The following PHC3 variants were observed in gnomAD, a reference collection of about 807,000 sequenced individuals.
PHC3 encodes the protein polyhomeotic homolog 3.
Under a neutral mutation model 107.4 loss-of-function variants are expected in PHC3, and 13 were observed. The ratio of observed to expected loss-of-function variants is 0.12; its 90% CI spans 0.08 to 0.19. The LOEUF (loss-of-function observed/expected upper bound fraction) is 0.19. PHC3 is among the 10% of genes least tolerant of loss of function. PHC3 has a pLI of 1.00. For missense variants in PHC3, 992 were observed against 1,210.9 expected (o/e 0.82, Z 2.68); for synonymous variants, 456 against 427.4 (o/e 1.07, Z -0.83).
chr3:170,134,396 G>C (rs1722735620), intron 7 of PHC3, among the ~76,000 whole-genome samples: 1 of 151,984 alleles, frequency 6.6e-6, no homozygotes, highest in African/African-American at 2.4e-5. Context: ...CACCATGTTG[G>C]TCAGGCTGGT....
rs183458157 is a variant in PHC3 at position 170,137,773 on chromosome 3, C to T, written c.673-1108G>A. Among the ~76,000 whole-genome samples, 242 of 152,290 alleles carry T rather than the reference C, an allele frequency of 1.6e-3. 3 individuals are homozygous for T. The highest frequency in any genetic ancestry group is 2.8e-3 in the Non-Finnish European group (192 of 68,020). The stretch of plus-strand genomic sequence containing the variant: ...AATTAGCCAGGCGTGGTGGCACGCA[C>T]CTGTAGCCCCAGCTACTCAGAAGGC... On this transcript the variant is annotated intron_variant, in intron 6 of 14. Transcript: ENST00000495893.
rs1384887791 is a variant in PHC3 at position 170,096,202 on chromosome 3, T to C, written c.*1028A>G. On this transcript the variant is annotated 3_prime_UTR_variant, in exon 15 of 15. Transcript: ENST00000495893. The stretch of plus-strand genomic sequence containing the variant: ...ACAATTTGTAGATTTTTTTTCTTTT[T>C]CTAGTATGATTAAACTAGAAAAAAT... The C allele has an allele frequency of 6.6e-6, 1 of 152,126 alleles. No homozygotes were observed. The highest frequency in any genetic ancestry group is 1.9e-4 in the East Asian group (1 of 5,204). 9.4% of individuals were successfully genotyped at this position (152,126 alleles called of 1,614,324 possible).
At chr3:170,141,098 G>A (rs1368700003) in intron 6 of PHC3, among the ~76,000 whole-genome samples, 3 of 152,108 alleles carry the variant, frequency 2.0e-5, no homozygotes, top group African/African-American at 7.2e-5. Context: ...ATAGCTTAAA[G>A]AATATTAAAA....
In PHC3 at chr3:170,129,512, A is replaced by T; in HGVS notation, c.960T>A (p.His320Gln). The change falls in exon 8 of 15, where the codon CAT (histidine) becomes CAA (glutamine). Residue 320 changes from histidine (H) to glutamine (Q), a missense_variant. By Grantham distance (24) the His-to-Gln change is conservative. Coordinates refer to ENST00000495893, the MANE Select transcript of PHC3 (RefSeq NM_024947.4). ...SPIQPHSLIK[H>Q]QQIPLHSPPS... ...GTGGTGAATGAAGAGGAATCTGCTG[A>T]TGTTTTATTAGAGAATGAGGCTGAA... The T allele has an allele frequency of 6.2e-7, 1 of 1,613,770 alleles. No homozygotes were observed. The highest frequency in any genetic ancestry group is 8.5e-7 in the Non-Finnish European group (1 of 1,179,740).
intron 8 of PHC3, among the ~76,000 whole-genome samples, chr3:170,127,874 T>C (rs1313193032): frequency 6.6e-6 from 1 of 152,166 alleles, no homozygotes; most frequent in African/African-American, 2.4e-5. Flanking sequence ...TTCAAGATAA[T>C]TTTTCTTTCT....
intron 11 of PHC3, among the ~76,000 whole-genome samples, chr3:170,111,313 G>A (rs59932786): frequency 4.5e-5 from 5 of 110,878 alleles, no homozygotes; most frequent in African/African-American, 1.5e-4. Context: ...AAGGAAGGAA[G>A]GAAGGAACGA....
intron 4 of PHC3, among the ~76,000 whole-genome samples, chr3:170,152,821 C>T (rs1342934463): frequency 6.6e-6 from 1 of 151,794 alleles, no homozygotes; most frequent in African/African-American, 2.4e-5. Context: ...TCACCACACC[C>T]GGCTAATCTT....
In PHC3 at chr3:170,097,800, T is replaced by C. The variant is rs1046348269; in HGVS notation, c.2834-416A>G. The stretch of plus-strand genomic sequence containing the variant: ...TATAGGTAAAGAGGAAACAAAAATA[T>C]GTTTTGTCATTTAAATAACAATCTA... On this transcript the variant is annotated intron_variant, in intron 14 of 14. Transcript: ENST00000495893. The surrounding 1 kb of genome is among the most constrained non-coding windows in gnomAD (Gnocchi z 4.1). Among the ~76,000 whole-genome samples, 8 of 152,208 alleles carry C rather than the reference T, an allele frequency of 5.3e-5. No individual in the cohort carries two copies. Among genetic ancestry groups the C allele is most frequent in the Admixed American group, 5.2e-4 (8 of 15,274 alleles).
In PHC3 at chr3:170,090,429, A is replaced by T. The variant is rs1713976695; in HGVS notation, c.*6801T>A. On this transcript the variant is annotated 3_prime_UTR_variant, in exon 15 of 15. Transcript: ENST00000495893. ...ATGTAAGTGTTCAAATAGTTTGCTA[A>T]ATGAATTTAAGTACATGAATGACAA... 6.6e-6 allele frequency: 1 copy of T among 152,328 alleles called. No individual in the cohort carries two copies. The highest frequency in any genetic ancestry group is 3.4e-3 in the Middle Eastern group (1 of 294). The allele number at this position is 152,328 out of a possible 1,614,324, so 9.4% of individuals were successfully genotyped here.
In PHC3 at chr3:170,122,730, T is replaced by G; in HGVS notation, c.1803A>C (p.Glu601Asp). ...PVDPPVVYQV[E>D]DVCEEEMPEE... ...CTGGCATTTCTTCTTCACACACATC[T>G]TCTACCTGATAAACCTGCAATGACA... The change falls in exon 9 of 15, where the codon GAA becomes GAC. Residue 601 changes from glutamate (E) to aspartate (D), a missense_variant. Physicochemically the swap from Glu to Asp is conservative, Grantham distance 45 (BLOSUM62 2). Coordinates refer to ENST00000495893, the MANE Select transcript of PHC3 (RefSeq NM_024947.4). 1 of 1,613,928 alleles carries G rather than the reference T, an allele frequency of 6.2e-7. No homozygotes were observed. The highest frequency in any genetic ancestry group is 2.2e-5 in the East Asian group (1 of 44,872).
chr3:170,121,910 T>A (rs546387478), intron 9 of PHC3, among the ~76,000 whole-genome samples: 10 of 152,302 alleles, frequency 6.6e-5, no homozygotes, highest in Non-Finnish European at 1.0e-4. Flanking sequence ...TAGGTTTTCA[T>A]CTGGATGGTA....
chr3:170,145,385 G>A, intron 6 of PHC3, 38 bp downstream of exon 6: 1 of 1,540,122 alleles, frequency 6.5e-7, no homozygotes, highest in East Asian at 2.3e-5. Flanking sequence ...TGAAGATCCA[G>A]ATCTCAAGTA....
intron 7 of PHC3, among the ~76,000 whole-genome samples, chr3:170,132,430 T>C (rs1458816931): frequency 2.0e-5 from 3 of 152,228 alleles, no homozygotes; most frequent in Non-Finnish European, 4.4e-5. Context: ...AAAATTCGTA[T>C]GCTGAAGCCC....
intron 4 of PHC3, among the ~76,000 whole-genome samples, chr3:170,153,516 C>A (rs1726358484): frequency 6.6e-6 from 1 of 152,114 alleles, no homozygotes; most frequent in African/African-American, 2.4e-5. Flanking sequence ...GTAATCCCAG[C>A]ACTTTGGGAG....
chr3:170,181,127 TTTTCAGC>T (rs1438786688), intron 1 of PHC3, among the ~76,000 whole-genome samples: 1 of 152,074 alleles, frequency 6.6e-6, no homozygotes, highest in Non-Finnish European at 1.5e-5. Context: ...TTTCAGGGTG[TTTTCAGC>T]CTCACCAGAC....
rs950323865 is a variant in PHC3 at position 170,088,380 on chromosome 3, A to G, written c.*8850T>C. ...AATTAACAAAATTTTAATAAGCAAG[A>G]CGACAAAAAGTACTAATTTAAAAGG... On this transcript the variant is annotated 3_prime_UTR_variant, in exon 15 of 15. Transcript: ENST00000495893. 16 of 152,342 alleles carry G rather than the reference A, an allele frequency of 1.1e-4. No individual in the cohort carries two copies. Among genetic ancestry groups the G allele is most frequent in the South Asian group, 2.1e-4 (1 of 4,828 alleles). The allele number at this position is 152,342 out of a possible 1,614,324, so 9.4% of individuals were successfully genotyped here.
intron 5 of PHC3, chr3:170,147,833 G>T (rs1433328711): frequency 6.6e-6 from 1 of 152,096 alleles, no homozygotes; most frequent in African/African-American, 2.4e-5. Context: ...CTAAAAAGAA[G>T]ATATTCAATT....
intron 10 of PHC3, among the ~76,000 whole-genome samples, chr3:170,116,772 A>G (rs1326358977): frequency 6.6e-6 from 1 of 151,824 alleles, no homozygotes; most frequent in African/African-American, 2.4e-5. Context: ...TTAGTGGGGC[A>G]CGGTGGCGCA....
chr3:170,137,930 G>A (rs374908501), intron 6 of PHC3, among the ~76,000 whole-genome samples: 36 of 152,144 alleles, frequency 2.4e-4, no homozygotes, highest in Non-Finnish European at 4.9e-4. Context: ...GGCTGGGTGT[G>A]GTGCCTCGCA....
Sources: allele counts gnomAD v4.1 joint callset (sites outside exome capture counted in the v4.1 genomes callset), GRCh38; gene constraint gnomAD v4.1.1; non-coding constraint Gnocchi (gnomAD v3.1); transcripts MANE v1.5; gene names NCBI Gene and HGNC (gene_info 2026-07-23, HGNC 2026-07-21).